SRPX2: variants seen among roughly 807,000 people sequenced by gnomAD.
SRPX2 encodes the protein sushi repeat containing protein X-linked 2.
A neutral mutation model predicts 45.3 loss-of-function variants in SRPX2; 26 were observed. That is an observed-to-expected ratio of 0.57 (90% CI 0.42 to 0.80). The LOEUF is 0.80. SRPX2 is among the 30% of genes least tolerant of loss of function. The probability of loss-of-function intolerance (pLI) is 0.00; values close to 1 mark genes in which losing one functional copy is unlikely to be tolerated. For synonymous variants in SRPX2, 125 were observed against 143.7 expected, an observed-to-expected ratio of 0.87 and a Z score of 0.93; for missense variants, 355 against 399.8, an observed-to-expected ratio of 0.89 and a Z score of 0.95.
chrX:100,646,299 T>C lies in SRPX2; in HGVS notation c.-24T>C, dbSNP rs2083135333. ...TTCAGGCCATATACATCTTTTCTTG[T>C]CTCCATAATCCTCCCTTTCAAGGAT... On this transcript the variant is annotated 5_prime_UTR_variant, in exon 2 of 11. Coordinates refer to ENST00000373004, the MANE Select transcript of SRPX2 (RefSeq NM_014467.3). 7 of 1,196,375 alleles carry C rather than the reference T, an allele frequency of 5.9e-6. No homozygotes were observed. The South Asian group carries it at 1.2e-4, about 21-fold the overall frequency.
intron 3 of SRPX2, among the ~76,000 whole-genome samples, chrX:100,652,052 T>G (rs936215709): frequency 8.9e-6 from 1 of 112,004 alleles, no homozygotes; most frequent in Non-Finnish European, 1.9e-5. Flanking sequence ...CATCACATGT[T>G]TTTGCACAGA....
At chrX:100,651,200 G>C (rs779092940) in intron 3 of SRPX2, 2 of 243,623 alleles carry the variant, frequency 8.2e-6, no homozygotes, top group South Asian at 9.3e-5. Flanking sequence ...GTGATGGGGG[G>C]GTATAAAGTT....
chrX:100,655,860 T>G (rs1256172768), intron 3 of SRPX2, among the ~76,000 whole-genome samples: 20 of 98,384 alleles, frequency 2.0e-4, no homozygotes, highest in Non-Finnish European at 4.1e-4. Flanking sequence ...GGGGAGTTTT[T>G]TTTTTTTTTT....
At chrX:100,659,723 G>C (rs1235041961) in intron 3 of SRPX2, among the ~76,000 whole-genome samples, 1 of 108,089 alleles carries the variant, frequency 9.3e-6, no homozygotes, top group East Asian at 2.9e-4. Context: ...TTCTCCAGTT[G>C]CACTCAGAAA....
rs968421511 is a variant in SRPX2 at position 100,644,292 on chromosome X, AATAACT to A, written c.-350_-345del. On this transcript the variant is annotated 5_prime_UTR_variant, in exon 1 of 11. Transcript: ENST00000373004. ...TTCTAAAACCCTTCTCTGAGAGAGG[AATAACT>A]ATAGCTTCAGGGATAATATAGCTTT... The A allele has an allele frequency of 4.5e-5, 5 of 111,843 alleles. No individual in the cohort carries two copies. The highest frequency in any genetic ancestry group is 3.8e-4 in the Admixed American group (4 of 10,535). The allele number at this position is 111,843 out of a possible 1,213,427, so 9.2% of individuals were successfully genotyped here. A position where few individuals can be genotyped will look rare whatever the true frequency, so the allele number is the denominator to read the frequency against.
chrX:100,665,880 T>C (rs2083203107), intron 7 of SRPX2, among the ~76,000 whole-genome samples: 1 of 111,866 alleles, frequency 8.9e-6, no homozygotes, highest in African/African-American at 3.3e-5. Context: ...TCAACAAGAC[T>C]CTCATTATCC....
chrX:100,649,730 G>T (rs1486735262), intron 2 of SRPX2, among the ~76,000 whole-genome samples: 5 of 111,396 alleles, frequency 4.5e-5, no homozygotes, highest in African/African-American at 6.5e-5. Context: ...TTCCCAAGAG[G>T]AGGAGGCGAG....
Position 100,662,358 on chromosome X carries a change from T to C in SRPX2, c.346T>C (p.Tyr116His). 8.3e-7 allele frequency: 1 copy of C among 1,211,547 alleles called. No homozygotes were observed. Among genetic ancestry groups the C allele is most frequent in the Non-Finnish European group, 1.1e-6 (1 of 895,616 alleles). Reference sequence around the variant, plus strand: ...AAGCCGTCGTTGGTCTGGAACTGCCTACTGCAGGCGTAAGTTGTGTGTGTG... The same window carrying C: ...AAGCCGTCGTTGGTCTGGAACTGCCCACTGCAGGCGTAAGTTGTGTGTGTG... ...LPSRRWSGTA[Y>H]CRQMRCHALP... Residue 116 changes from tyrosine (Y) to histidine (H), a missense_variant, in exon 4 of 11, where the codon TAC becomes CAC. Physicochemically the swap from Tyr to His is moderately conservative, Grantham distance 83. Transcript: ENST00000373004.
At chrX:100,669,443 T>C in intron 10 of SRPX2, 74 bp downstream of exon 10, 2 of 996,101 alleles carry the variant, frequency 2.0e-6, no homozygotes, top group Admixed American at 2.6e-5. Context: ...GGCAGGACAC[T>C]GGCAAAAGCG....
Position 100,675,288 on chromosome X carries a change from T to G in SRPX2, c.*4301T>G, listed in dbSNP as rs747391721. The stretch of plus-strand genomic sequence containing the variant: ...AGCTAGAAGCTCTCACTGGGCATCC[T>G]CGTGATTTAGTCAAAATACATTATC... On this transcript the variant is annotated 3_prime_UTR_variant, in exon 11 of 11. Transcript: ENST00000373004. 1 of 112,638 alleles carries G rather than the reference T, an allele frequency of 8.9e-6. No individual in the cohort carries two copies. Among genetic ancestry groups the G allele is most frequent in the South Asian group, 3.8e-4 (1 of 2,663 alleles). 9.3% of individuals were successfully genotyped at this position (112,638 alleles called of 1,213,427 possible).
chrX:100,654,854 T>C (rs1025856533), intron 3 of SRPX2, among the ~76,000 whole-genome samples: 2 of 112,048 alleles, frequency 1.8e-5, no homozygotes, highest in Non-Finnish European at 3.8e-5. Flanking sequence ...TTTTCACTCA[T>C]CTTGCACTTT....
chrX:100,652,020 G>A (rs2083155216), intron 3 of SRPX2, among the ~76,000 whole-genome samples: 1 of 111,744 alleles, frequency 8.9e-6, no homozygotes, highest in Non-Finnish European at 1.9e-5. Context: ...TTTAGCTGTT[G>A]TACTAGGATC....
chrX:100,662,251 A>T lies in SRPX2; in HGVS notation c.239A>T (p.His80Leu), dbSNP rs2083190759. 8.3e-7 allele frequency: 1 copy of T among 1,209,953 alleles called. No individual in the cohort carries two copies. Among genetic ancestry groups the T allele is most frequent in the Admixed American group, 2.2e-5 (1 of 45,744 alleles). Residue 80 changes from histidine (H) to leucine (L), a missense_variant, in exon 4 of 11, where the codon CAC becomes CTC. By Grantham distance (99) the His-to-Leu change is moderately conservative. Transcript: ENST00000373004. ...TACTCACCGAAGGGAGGAAATTATC[A>T]CAGCAGCCTGGGCACGCGTTGTGAG... The part of the protein sequence containing the change: ...TCYSPKGGNY[H>L]SSLGTRCELS...
At chrX:100,664,521 G>A (rs1361497446) in intron 4 of SRPX2, among the ~76,000 whole-genome samples, 1 of 111,561 alleles carries the variant, frequency 9.0e-6, no homozygotes, top group Admixed American at 9.5e-5. Flanking sequence ...TGTTAGGTCT[G>A]ATTTTGAAGT....
chrX:100,665,569 C>T lies in SRPX2; in HGVS notation c.693C>T (p.His231=), dbSNP rs142719253. Residue 231 remains histidine (H), a synonymous_variant, in exon 7 of 11, where the codon CAC becomes CAT. Transcript: ENST00000373004. ...TTCGGGGCCCTGAGCCTGGCTCTCA[C>T]TTTCCCGAAGGAGAGCATGTGATTC... is the stretch of plus-strand genomic sequence containing the variant. The part of the protein sequence containing the change: ...VTLRGPEPGS[H]FPEGEHVIRY... 1.7e-6 allele frequency: 2 copies of T among 1,212,091 alleles called. No individual in the cohort carries two copies. The highest frequency in any genetic ancestry group is 3.0e-5 in the East Asian group (1 of 33,865).
chrX:100,664,934 C>T lies in SRPX2; in HGVS notation c.516C>T (p.Gly172=). The T allele has an allele frequency of 1.7e-6, 2 of 1,190,193 alleles. No individual in the cohort carries two copies. The highest frequency in any genetic ancestry group is 1.8e-5 in the South Asian group (1 of 54,428). Reference sequence around the variant, plus strand: ...TGGAAGATGGGAGATGGAGTGGAGGCGAGCCTGTATGTGTAGGTAAATGCT... The same window carrying T: ...TGGAAGATGGGAGATGGAGTGGAGGTGAGCCTGTATGTGTAGGTAAATGCT... The part of the protein sequence containing the change: ...ICMEDGRWSG[G]EPVCVDIDPP... Residue 172 remains glycine, a synonymous_variant, in exon 5 of 11, where the codon GGC becomes GGT. Transcript: ENST00000373004.
intron 4 of SRPX2, among the ~76,000 whole-genome samples, chrX:100,662,936 T>C (rs2083192842): frequency 8.9e-6 from 1 of 112,265 alleles, no homozygotes; most frequent in Non-Finnish European, 1.9e-5. Flanking sequence ...AGCTGAACTT[T>C]TCCTGTCCAT....
At position 100,645,058 on chromosome X, in the gene SRPX2, G is replaced by A. The variant is rs141649099; in HGVS notation, c.-131+543G>A. On this transcript the variant is annotated intron_variant, in intron 1 of 10. Transcript: ENST00000373004. ...CTTCGTTTACTCTCACTTTTTCTCCGTCCTGCTTCCCTGTCACTTTCTAGA... is the reference window on the plus strand; with the variant it reads ...CTTCGTTTACTCTCACTTTTTCTCCATCCTGCTTCCCTGTCACTTTCTAGA... Among the ~76,000 whole-genome samples, 446 of 110,094 alleles carry A rather than the reference G, an allele frequency of 4.1e-3. 12 individuals are homozygous for A. The East Asian group carries it at 0.076, about 19-fold the overall frequency.
At chrX:100,657,538 A>G (rs748985982) in intron 3 of SRPX2, among the ~76,000 whole-genome samples, 31 of 105,481 alleles carry the variant, frequency 2.9e-4, no homozygotes, top group Non-Finnish European at 4.3e-4. Context: ...TTTAGTAGAG[A>G]CGGGATTTCA....
Sources: allele counts gnomAD v4.1 joint callset (sites outside exome capture counted in the v4.1 genomes callset), GRCh38; gene constraint gnomAD v4.1.1; transcripts MANE v1.5; gene names NCBI Gene and HGNC (gene_info 2026-07-23, HGNC 2026-07-21).